Variants in CTIF observed in about 807,000 individuals in gnomAD.
CTIF encodes the protein cap binding complex dependent translation initiation factor.
A neutral mutation model predicts 66.0 loss-of-function variants in CTIF; 21 were observed. The observed-to-expected ratio is 0.32, with a 90% CI of 0.23 to 0.46. CTIF has a LOEUF of 0.46. Ranked by LOEUF, CTIF falls within the 20% of genes least tolerant of loss-of-function variation. The pLI, the probability that CTIF is intolerant of heterozygous loss-of-function variation, is 1.00. For synonymous variants in CTIF, 345 were observed against 326.4 expected (o/e 1.06, Z -0.62); for missense variants, 739 against 812.7 (o/e 0.91, Z 1.10).
chr18:48,713,960 TACTC>T (rs1397908994), intron 7 of CTIF, among the ~76,000 whole-genome samples: 3 of 152,224 alleles, frequency 2.0e-5, no homozygotes, highest in African/African-American at 7.2e-5. Context: ...TAGAATCCGT[TACTC>T]ACTCACAGCC....
intron 7 of CTIF, among the ~76,000 whole-genome samples, chr18:48,729,845 G>A (rs2145637233): frequency 6.6e-6 from 1 of 152,348 alleles, no homozygotes; most frequent in East Asian, 1.9e-4. Flanking sequence ...GCAGGCATGA[G>A]GAAAGATTGT....
chr18:48,649,405 G>A (rs1338507666), intron 3 of CTIF, among the ~76,000 whole-genome samples: 8 of 152,364 alleles, frequency 5.3e-5, no homozygotes, highest in Non-Finnish European at 1.2e-4. Flanking sequence ...GGGGAGGGGC[G>A]TCTGCCATTG....
chr18:48,787,720 G>T (rs1911841451), intron 9 of CTIF, among the ~76,000 whole-genome samples: 1 of 152,204 alleles, frequency 6.6e-6, no homozygotes, highest in African/African-American at 2.4e-5. Context: ...GTCTGCCTGT[G>T]CAGTCTGCTT....
intron 5 of CTIF, 24 bp downstream of exon 5, chr18:48,664,575 C>G: frequency 6.2e-7 from 1 of 1,602,466 alleles, no homozygotes; most frequent in Non-Finnish European, 8.5e-7. Context: ...GGGCTCTTAC[C>G]CAGGGTGGGG....
In CTIF at chr18:48,687,881, A is replaced by C. The variant is rs578221373; in HGVS notation, c.507+17137A>C. On this transcript the variant is annotated intron_variant, in intron 6 of 11. Coordinates refer to ENST00000256413, the MANE Select transcript of CTIF (RefSeq NM_014772.3). ...ACTAAGAAATGTGGCCCCCACCCCC[A>C]GTGGTAGCCCAGTCCCAGAAGGTCT... is the stretch of plus-strand genomic sequence containing the variant. Among the ~76,000 whole-genome samples, 6 of 152,266 alleles carry C rather than the reference A, an allele frequency of 3.9e-5. No homozygotes were observed. The East Asian group carries it at 1.2e-3, about 29-fold the overall frequency.
rs76976246 is a variant in CTIF at position 48,720,434 on chromosome 18, G to A, written c.584+8739G>A. On this transcript the variant is annotated intron_variant, in intron 7 of 11. Transcript: ENST00000256413. ...ATTGCCATCCTGTCATCCGAGCCCAGGGACCGCGAGACAGATCTATGCTCA... is the reference window on the plus strand; with the variant it reads ...ATTGCCATCCTGTCATCCGAGCCCAAGGACCGCGAGACAGATCTATGCTCA... Among the ~76,000 whole-genome samples the A allele has an allele frequency of 7.7e-3, 1,169 of 152,208 alleles. 10 individuals are homozygous for A. Among genetic ancestry groups the A allele is most frequent in the African/African-American group, 0.027 (1,107 of 41,524 alleles).
chr18:48,735,230 A>G (rs1336492347), intron 7 of CTIF, among the ~76,000 whole-genome samples: 5 of 152,284 alleles, frequency 3.3e-5, no homozygotes, highest in East Asian at 1.9e-4. Flanking sequence ...CGTCTCTGCA[A>G]TGGGGCCAGC....
chr18:48,594,545 A>G (rs1314377179), intron 1 of CTIF, among the ~76,000 whole-genome samples: 3 of 152,012 alleles, frequency 2.0e-5, no homozygotes, highest in Admixed American at 6.5e-5. Context: ...GATTTCTGGA[A>G]TGAGTCCTCA....
intron 7 of CTIF, among the ~76,000 whole-genome samples, chr18:48,752,520 C>G (rs970807059): frequency 8.5e-5 from 13 of 152,214 alleles, no homozygotes; most frequent in Non-Finnish European, 1.6e-4. Flanking sequence ...GGCTTTGCCA[C>G]TAACTAGCGG....
At chr18:48,579,500 A>ATGTTTTTTCCATTGAATTGCCTTT (rs2089606956) in intron 1 of CTIF, among the ~76,000 whole-genome samples, 2 of 152,138 alleles carry the variant, frequency 1.3e-5, no homozygotes. Context: ...TTTGTTGAAA[A>ATGTTTTTTCCATTGAATTGCCTTT]TGTTTTTTCC....
chr18:48,626,642 G>C (rs1028103510), intron 2 of CTIF, among the ~76,000 whole-genome samples: 2 of 140,162 alleles, frequency 1.4e-5, no homozygotes, highest in African/African-American at 5.4e-5. Context: ...ACCGCACCTG[G>C]CCGTTTTTTT....
chr18:48,607,617 C>A (rs1050361887), intron 1 of CTIF, among the ~76,000 whole-genome samples: 4 of 152,224 alleles, frequency 2.6e-5, no homozygotes, highest in African/African-American at 9.6e-5. Flanking sequence ...CAGACAGGTC[C>A]TCAGCCTCCA....
chr18:48,858,400 G>A (rs1297009829), intron 11 of CTIF, among the ~76,000 whole-genome samples: 8 of 152,244 alleles, frequency 5.3e-5, no homozygotes, highest in Admixed American at 5.2e-4. Context: ...GGGATTAGGG[G>A]GGAATTAGGG....
At chr18:48,749,165 T>C (rs1907544479) in intron 7 of CTIF, among the ~76,000 whole-genome samples, 1 of 152,028 alleles carries the variant, frequency 6.6e-6, no homozygotes, top group Non-Finnish European at 1.5e-5. Context: ...AAGGAAAGAG[T>C]GACTTCCGGG....
chr18:48,826,977 G>T, intron 10 of CTIF: 1 of 152,412 alleles, frequency 6.6e-6, no homozygotes. Flanking sequence ...AAGGGAAAGT[G>T]GATTGTGGAC....
chr18:48,614,039 T>C, intron 1 of CTIF, among the ~76,000 whole-genome samples: 1 of 152,244 alleles, frequency 6.6e-6, no homozygotes, highest in East Asian at 1.9e-4. Context: ...TTTTGTGTTC[T>C]TCTACCTTCC....
At chr18:48,800,664 C>CAGGCATGAAAA (rs1232806270) in intron 9 of CTIF, among the ~76,000 whole-genome samples, 6 of 152,252 alleles carry the variant, frequency 3.9e-5, no homozygotes, top group Non-Finnish European at 8.8e-5. Flanking sequence ...TGCGGAGGTG[C>CAGGCATGAAAA]TCCCCTGGCC....
At chr18:48,698,432 C>CCAGT (rs1568146203) in intron 6 of CTIF, among the ~76,000 whole-genome samples, 13 of 152,244 alleles carry the variant, frequency 8.5e-5, no homozygotes, top group African/African-American at 2.9e-4. Context: ...CGGCTGGTCT[C>CCAGT]GAACTCCTGG....
chr18:48,696,454 G>C (rs1047240404), intron 6 of CTIF, among the ~76,000 whole-genome samples: 2 of 152,090 alleles, frequency 1.3e-5, no homozygotes, highest in Non-Finnish European at 2.9e-5. Flanking sequence ...TCACCGTCCC[G>C]GCCTGTGTTA....
Sources: allele counts gnomAD v4.1 joint callset (sites outside exome capture counted in the v4.1 genomes callset), GRCh38; gene constraint gnomAD v4.1.1; transcripts MANE v1.5; gene names NCBI Gene and HGNC (gene_info 2026-07-23, HGNC 2026-07-21).